CCDC17: variants seen among roughly 807,000 people sequenced by gnomAD.
CCDC17 encodes the protein coiled-coil domain-containing protein 17.
CCDC17 carries 79 observed loss-of-function variants against 68.0 expected under a neutral mutation model. The observed-to-expected ratio is 1.16, with a 90% CI of 0.97 to 1.40. The LOEUF is 1.40. Among genes scored for constraint, CCDC17 ranks in the 40% most tolerant of loss-of-function variants. The probability of loss-of-function intolerance (pLI) is 0.00; values close to 1 mark genes in which losing one functional copy is unlikely to be tolerated. For missense variants in CCDC17, 846 were observed against 811.5 expected (o/e 1.04, Z -0.52); for synonymous variants, 376 against 337.5 (o/e 1.11, Z -1.25).
chr1:45,621,927 G>A lies in CCDC17; in HGVS notation c.1036C>T (p.Leu346Phe). Residue 346 changes from leucine to phenylalanine, a missense_variant, in exon 8 of 13, where the codon CTC (leucine) becomes TTC (phenylalanine). Physicochemically the swap from Leu to Phe is conservative, Grantham distance 22. Transcript: ENST00000528266. ...AGCGGTGGTGCCACCGGTGGCGGGA[G>A]GAGTGGGGGATCTCTCCTCCCCTTC... ...QPKGRRDPPLLPPPVAPPLPP... is the reference protein window; with the variant it reads ...QPKGRRDPPLFPPPVAPPLPP... 1 of 1,610,440 alleles carries A rather than the reference G, an allele frequency of 6.2e-7. No homozygotes were observed. Among genetic ancestry groups the A allele is most frequent in the East Asian group, 2.2e-5 (1 of 44,794 alleles).
rs1193657765 is a variant in CCDC17 at position 45,621,786 on chromosome 1, T to TC, written c.1087-52dup. On this transcript the variant is annotated intron_variant, in intron 8 of 12. Transcript: ENST00000528266. The stretch of plus-strand genomic sequence containing the variant: ...CAGAAAGCCTTGTAGCTGCTCATGT[T>TC]CCCCCAACTGCTCAGAGCAGAGCTG... The TC allele has an allele frequency of 7.1e-5, 114 of 1,606,084 alleles. 1 individual carries two copies. The highest frequency in any genetic ancestry group is 5.1e-6 in the Non-Finnish European group (6 of 1,176,438).
rs969050375 is a variant in CCDC17 at position 45,623,793 on chromosome 1, G to A, written c.117C>T (p.Thr39=). ...CCTGTGCTCCAAATGTCATCTCTTG[G>A]GTCGGGTGGCCAATGCAGAAGCGCT... The part of the protein sequence containing the change: ...HTQRFCIGHP[T]QEMTFGAQAS... Residue 39 remains threonine (T), a synonymous_variant, in exon 1 of 13, where the codon ACC becomes ACT. Coordinates refer to ENST00000528266, the MANE Select transcript of CCDC17 (RefSeq NM_001114938.3). 1 of 1,551,484 alleles carries A rather than the reference G, an allele frequency of 6.4e-7. No homozygotes were observed. Among genetic ancestry groups the A allele is most frequent in the South Asian group, 1.2e-5 (1 of 84,052 alleles).
Position 45,620,302 on chromosome 1 carries a change from A to G in CCDC17, c.1842T>C (p.Ser614=), listed in dbSNP as rs774862341. ...AGAAACTCACTGGGGGCAAGTCAGA[A>G]CTGTGGTGAGGGCCCAAACCCTCAT... ...DRDEGLGPHH[S]SDLPPVSF Residue 614 remains serine (S), a synonymous_variant, in exon 13 of 13, where the codon AGT becomes AGC. Coordinates refer to ENST00000528266, the MANE Select transcript of CCDC17 (RefSeq NM_001114938.3). 1.2e-6 allele frequency: 2 copies of G among 1,610,676 alleles called. No individual in the cohort carries two copies. The highest frequency in any genetic ancestry group is 1.3e-5 in the African/African-American group (1 of 74,866).
At position 45,620,769 on chromosome 1, in the gene CCDC17, G is replaced by A; in HGVS notation, c.1664C>T (p.Ala555Val). 1 of 1,611,118 alleles carries A rather than the reference G, an allele frequency of 6.2e-7. No homozygotes were observed. Among genetic ancestry groups the A allele is most frequent in the Non-Finnish European group, 8.5e-7 (1 of 1,178,672 alleles). ...NARDAAVQTL[A>V]EINPASVHEY... Reference sequence around the variant, plus strand: ...ATGGACACTTGCTGGATTGATCTCTGCCAGTGTCTGTACAGCTGCATCTCT... The same window carrying A: ...ATGGACACTTGCTGGATTGATCTCTACCAGTGTCTGTACAGCTGCATCTCT... The change falls in exon 12 of 13, where the codon GCA (alanine) becomes GTA (valine). Residue 555 changes from alanine to valine, a missense_variant. Ala to Val is a moderately conservative substitution (Grantham distance 64). Transcript: ENST00000528266.
In CCDC17 at chr1:45,622,982, C is replaced by A. The variant is rs1229140662; in HGVS notation, c.629G>T (p.Arg210Leu). ...TRGALEVLGA[R>L]IQELQAEPGN... is the part of the protein sequence containing the mutation. ...TGGCTCCGCCTGCAGCTCCTGAATG[C>A]GGGCCCCCAACACCTCTAGAGCTCC... Residue 210 changes from arginine (R) to leucine (L), a missense_variant, in exon 4 of 13, where the codon CGC (arginine) becomes CTC (leucine). Arg to Leu is a moderately radical substitution (Grantham distance 102). Coordinates refer to ENST00000528266, the MANE Select transcript of CCDC17 (RefSeq NM_001114938.3). The A allele has an allele frequency of 6.2e-7, 1 of 1,603,624 alleles. No individual in the cohort carries two copies. The highest frequency in any genetic ancestry group is 8.5e-7 in the Non-Finnish European group (1 of 1,174,270).
At position 45,621,406 on chromosome 1, in the gene CCDC17, CAAGCCAGTCCT is replaced by C. The variant is rs756236077; in HGVS notation, c.1252_1262del (p.Arg418GlyfsTer54). 1.6e-5 allele frequency: 25 copies of C among 1,595,808 alleles called. No individual in the cohort carries two copies. In the South Asian group the frequency reaches 2.6e-4, roughly 17 times the overall value. On this transcript the variant is annotated frameshift_variant, in exon 10 of 13. Coordinates refer to ENST00000528266, the MANE Select transcript of CCDC17 (RefSeq NM_001114938.3). LOFTEE classifies it high-confidence loss of function. Reference sequence around the variant, plus strand: ...TTCCTGTATCCCGTCCATCGCGTGCCAAGCCAGTCCTTAGTTGCACCCAAATCCAGGAAGCC... The same window carrying C: ...TTCCTGTATCCCGTCCATCGCGTGCCTAGTTGCACCCAAATCCAGGAAGCC...
chr1:45,621,689 T>A lies in CCDC17; in HGVS notation c.1133A>T (p.His378Leu), dbSNP rs1557677080. 6.2e-7 allele frequency: 1 copy of A among 1,613,694 alleles called. No homozygotes were observed. The highest frequency in any genetic ancestry group is 8.5e-7 in the Non-Finnish European group (1 of 1,179,814). Residue 378 changes from histidine (H) to leucine (L), a missense_variant, in exon 9 of 13, where the codon CAC (histidine) becomes CTC (leucine). Coordinates refer to ENST00000528266, the MANE Select transcript of CCDC17 (RefSeq NM_001114938.3). Reference protein sequence around the residue: ...TMTRNLGLDSHFLLPTSDMLG... With the variant: ...TMTRNLGLDSLFLLPTSDMLG... ...CATGTCCGATGTGGGCAGGAGGAAG[T>A]GTGAGTCCAGGCCCAGGTTTCTGGT...
intron 5 of CCDC17, 30 bp downstream of exon 5, chr1:45,622,721 C>T (rs1184627721): frequency 3.8e-6 from 6 of 1,565,102 alleles, no homozygotes; most frequent in Non-Finnish European, 3.5e-6. Context: ...AGCGCTTCGC[C>T]CTATGCCCAT....
rs755341031 is a variant in CCDC17 at position 45,623,823 on chromosome 1, A to C, written c.87T>G (p.His29Gln). 8 of 1,551,468 alleles carry C rather than the reference A, an allele frequency of 5.2e-6. No individual in the cohort carries two copies. The part of the protein sequence containing the change: ...VFRSSALLAT[H>Q]TQRFCIGHPT... ...GGTGGCCAATGCAGAAGCGCTGAGTATGGGTGGCTAACAGAGCTGAGGAGC... is the reference window on the plus strand; with the variant it reads ...GGTGGCCAATGCAGAAGCGCTGAGTCTGGGTGGCTAACAGAGCTGAGGAGC... Residue 29 changes from histidine (H) to glutamine (Q), a missense_variant, in exon 1 of 13, where the codon CAT (histidine) becomes CAG (glutamine). Transcript: ENST00000528266.
Position 45,621,694 on chromosome 1 carries a change from G to A in CCDC17, c.1128C>T (p.Asp376=). 6.2e-7 allele frequency: 1 copy of A among 1,613,942 alleles called. No individual in the cohort carries two copies. The highest frequency in any genetic ancestry group is 1.1e-5 in the South Asian group (1 of 91,056). Residue 376 remains aspartate, a synonymous_variant, in exon 9 of 13, where the codon GAC becomes GAT. Coordinates refer to ENST00000528266, the MANE Select transcript of CCDC17 (RefSeq NM_001114938.3). ...PGTMTRNLGL[D]SHFLLPTSDM... ...CCGATGTGGGCAGGAGGAAGTGTGA[G>A]TCCAGGCCCAGGTTTCTGGTCATTG...
In CCDC17 at chr1:45,620,124, T is replaced by G; in HGVS notation, c.*151A>C. 1 of 702,426 alleles carries G rather than the reference T, an allele frequency of 1.4e-6. No individual in the cohort carries two copies. Among genetic ancestry groups the G allele is most frequent in the Non-Finnish European group, 2.2e-6 (1 of 451,250 alleles). The allele number at this position is 702,426 out of a possible 1,614,324, so 43.5% of individuals were successfully genotyped here. On this transcript the variant is annotated 3_prime_UTR_variant, in exon 13 of 13. Coordinates refer to ENST00000528266, the MANE Select transcript of CCDC17 (RefSeq NM_001114938.3). ...GAAAAGTTAAGGACTTAACGGGAGGTGGTAAAGCTGTGGTTGGAACTGGTT... is the reference window on the plus strand; with the variant it reads ...GAAAAGTTAAGGACTTAACGGGAGGGGGTAAAGCTGTGGTTGGAACTGGTT...
intron 7 of CCDC17, 45 bp downstream of exon 7, chr1:45,622,196 G>C (rs564592850): frequency 6.4e-7 from 1 of 1,551,474 alleles, no homozygotes; most frequent in East Asian, 2.3e-5. Context: ...CAGGCCTGCT[G>C]GGGAGAGATA....
In CCDC17 at chr1:45,620,241, A is replaced by G. The variant is rs781549784; in HGVS notation, c.*34T>C. The G allele has an allele frequency of 1.4e-5, 23 of 1,596,102 alleles. No individual in the cohort carries two copies. The highest frequency in any genetic ancestry group is 1.9e-5 in the Non-Finnish European group (22 of 1,173,656). On this transcript the variant is annotated 3_prime_UTR_variant, in exon 13 of 13. Transcript: ENST00000528266. ...CTGGAAATAGGCCCCAGTCCTGTGC[A>G]TGTTCAGATGCTCATCTCCACATTC...
At position 45,620,931 on chromosome 1, in the gene CCDC17, CT is replaced by C. The variant is rs776089307; in HGVS notation, c.1570del (p.Ser524AlafsTer5). 1 of 1,613,852 alleles carries C rather than the reference CT, an allele frequency of 6.2e-7. No individual in the cohort carries two copies. The highest frequency in any genetic ancestry group is 1.1e-5 in the South Asian group (1 of 91,038). ...AGGAATCCCATTCAGCTGCCCAAGG[CT>C]AAGGCTGGGGTCCAGAGGAAGGGCC... ...LRALPLDPSL[S>X]LGQLNGIPQA... On this transcript the variant is annotated frameshift_variant, in exon 11 of 13. Transcript: ENST00000528266. LOFTEE classifies it high-confidence loss of function.
Position 45,620,958 on chromosome 1 carries a change from C to T in CCDC17, c.1544G>A (p.Arg515Gln), listed in dbSNP as rs781675491. ...AAGGCTGGGGTCCAGAGGAAGGGCC[C>T]GAAGTGGGAGGCGCCAGCGGCCACT... ...VLSGRWRLPL[R>Q]ALPLDPSLSL... The change falls in exon 11 of 13, where the codon CGG becomes CAG. Residue 515 changes from arginine (R) to glutamine (Q), a missense_variant. Coordinates refer to ENST00000528266, the MANE Select transcript of CCDC17 (RefSeq NM_001114938.3). The T allele has an allele frequency of 1.4e-5, 23 of 1,613,674 alleles. No homozygotes were observed. The highest frequency in any genetic ancestry group is 5.5e-5 in the South Asian group (5 of 91,044).
Position 45,622,286 on chromosome 1 carries a change from C to T in CCDC17, c.922G>A (p.Ala308Thr). ...TGCATTTGCAAGGCCAAGATTTCTG[C>T]CTCCAAGCGCCGGTTTTCAGCCTCC... Reference protein sequence around the residue: ...VVEAENRRLEAEILALQMQRG... With the variant: ...VVEAENRRLETEILALQMQRG... The change falls in exon 7 of 13, where the codon GCA becomes ACA. Residue 308 changes from alanine (A) to threonine (T), a missense_variant. Ala to Thr is a moderately conservative substitution (Grantham distance 58, BLOSUM62 0). Transcript: ENST00000528266. 1.2e-6 allele frequency: 2 copies of T among 1,612,318 alleles called. No homozygotes were observed. The highest frequency in any genetic ancestry group is 1.7e-6 in the Non-Finnish European group (2 of 1,179,328).
chr1:45,623,438 A>C lies in CCDC17; in HGVS notation c.272T>G (p.Val91Gly), dbSNP rs1194034732. 1 of 1,550,330 alleles carries C rather than the reference A, an allele frequency of 6.5e-7. No individual in the cohort carries two copies. The highest frequency in any genetic ancestry group is 1.4e-5 in the African/African-American group (1 of 73,056). ...RSALKRLTEE[V>G]QWLRLSLQEM... ...CTGTAGGGATAGCCGCAGCCACTGC[A>C]CCTGGAGGTAACAGCGATCCGCGAT... The change falls in exon 3 of 13, where the codon GTG becomes GGG. Residue 91 changes from valine (V) to glycine (G), a missense_variant and splice_region_variant. Transcript: ENST00000528266.
In CCDC17 at chr1:45,623,776, C is replaced by T. The variant is rs1644366782; in HGVS notation, c.134G>A (p.Gly45Glu). Residue 45 changes from glycine (G) to glutamate (E), a missense_variant, in exon 1 of 13, where the codon GGA (glycine) becomes GAA (glutamate). Transcript: ENST00000528266. Reference protein sequence around the residue: ...IGHPTQEMTFGAQASVATEPQ... With the variant: ...IGHPTQEMTFEAQASVATEPQ... ...TTCAGTGGCAACTGATGCCTGTGCTCCAAATGTCATCTCTTGGGTCGGGTG... is the reference window on the plus strand; with the variant it reads ...TTCAGTGGCAACTGATGCCTGTGCTTCAAATGTCATCTCTTGGGTCGGGTG... 6.4e-7 allele frequency: 1 copy of T among 1,551,288 alleles called. No homozygotes were observed. Among genetic ancestry groups the T allele is most frequent in the African/African-American group, 1.4e-5 (1 of 73,048 alleles).
rs1292283355 is a variant in CCDC17 at position 45,623,269 on chromosome 1, C to A, written c.441G>T (p.Arg147Ser). 2 of 1,546,946 alleles carry A rather than the reference C, an allele frequency of 1.3e-6. No individual in the cohort carries two copies. Among genetic ancestry groups the A allele is most frequent in the Non-Finnish European group, 8.7e-7 (1 of 1,146,588 alleles). The change falls in exon 3 of 13, where the codon AGG becomes AGT. Residue 147 changes from arginine to serine, a missense_variant. Coordinates refer to ENST00000528266, the MANE Select transcript of CCDC17 (RefSeq NM_001114938.3). Reference protein sequence around the residue: ...RLRALFRTRARRVAEMEAQSR... With the variant: ...RLRALFRTRASRVAEMEAQSR... ...TCTGCGCTTCCATCTCCGCCACGCG[C>A]CTCGCGCGAGTCCTGAACAGCGCCC...
Sources: gnomAD v4.1 joint callset for allele counts on GRCh38, gnomAD v4.1.1 for gene constraint, MANE v1.5 for transcripts, NCBI Gene and HGNC (gene_info 2026-07-23, HGNC 2026-07-21) for gene names.